Variants in CNIH1 observed in about 807,000 individuals in gnomAD.
The protein encoded by CNIH1 is protein cornichon homolog 1.
A neutral mutation model predicts 20.2 loss-of-function variants in CNIH1; 12 were observed. The observed-to-expected ratio is 0.59, with a 90% CI of 0.38 to 0.96. The LOEUF (loss-of-function observed/expected upper bound fraction) is 0.96. Among genes scored for constraint, CNIH1 ranks in the 40% least tolerant of loss-of-function variants. CNIH1 has a pLI of 0.00. For missense variants in CNIH1, 152 were observed against 178.8 expected (o/e 0.85, Z 0.85); for synonymous variants, 69 against 63.3 (o/e 1.09, Z -0.43).
chr14:54,427,992 T>A (rs773600831), intron 4 of CNIH1, 151 bp from the exon 5 acceptor site: 3 of 793,510 alleles, frequency 3.8e-6, no homozygotes, highest in Non-Finnish European at 6.1e-6. Context: ...TTTGCATTTA[T>A]GGACTTTTGC....
At chr14:54,433,058 T>C (rs1372818346) in intron 2 of CNIH1, among the ~76,000 whole-genome samples, 2 of 152,242 alleles carry the variant, frequency 1.3e-5, no homozygotes, top group Non-Finnish European at 1.5e-5. Context: ...ATGCTTTTTA[T>C]AAAATGACCA....
At chr14:54,435,570 C>T (rs79144186) in intron 2 of CNIH1, among the ~76,000 whole-genome samples, 2,997 of 152,186 alleles carry the variant, frequency 0.02, 110 homozygotes, top group African/African-American at 0.069. Context: ...AAAATTATGG[C>T]ACCCTAAGTC....
intron 2 of CNIH1, among the ~76,000 whole-genome samples, chr14:54,432,671 C>A (rs551812993): frequency 6.6e-6 from 1 of 152,280 alleles, no homozygotes; most frequent in East Asian, 1.9e-4. Context: ...TGTTTTTAAG[C>A]CTTTAACAAA....
chr14:54,432,214 G>C lies in CNIH1; in HGVS notation c.157C>G (p.Leu53Val). 1 of 1,528,942 alleles carries C rather than the reference G, an allele frequency of 6.5e-7. No individual in the cohort carries two copies. The highest frequency in any genetic ancestry group is 8.8e-7 in the Non-Finnish European group (1 of 1,134,740). 94.7% of individuals were successfully genotyped at this position (1,528,942 alleles called of 1,614,324 possible). ...DQCNTLNPLV[L>V]PEYLIHAFFC... ...AAAGCGTGGATGAGGTACTCTGGGA[G>C]TACAAGCTGGAAGGAAAACACAAGC... Residue 53 changes from leucine to valine, a missense_variant, in exon 3 of 5, where the codon CTC becomes GTC. Transcript: ENST00000216416.
intron 1 of CNIH1, among the ~76,000 whole-genome samples, chr14:54,437,333 T>C (rs2031074081): frequency 2.0e-5 from 3 of 152,240 alleles, no homozygotes; most frequent in South Asian, 2.1e-4. Context: ...AGTATCTTTA[T>C]ATGTGAAAGT....
chr14:54,435,258 A>G (rs1157411354), intron 2 of CNIH1, among the ~76,000 whole-genome samples: 1 of 152,190 alleles, frequency 6.6e-6, no homozygotes, highest in Non-Finnish European at 1.5e-5. Context: ...ATACAAAAAA[A>G]CAAACTGGGT....
At chr14:54,437,211 CAAAG>C (rs905972016) in intron 1 of CNIH1, among the ~76,000 whole-genome samples, 4 of 152,078 alleles carry the variant, frequency 2.6e-5, no homozygotes, top group African/African-American at 4.8e-5. Context: ...TTTCAGGTGA[CAAAG>C]AAAGAAAACA....
intron 2 of CNIH1, among the ~76,000 whole-genome samples, chr14:54,433,508 A>G (rs2030989686): frequency 2.0e-5 from 3 of 152,214 alleles, no homozygotes; most frequent in South Asian, 2.1e-4. Context: ...AAACTTCTAA[A>G]TAACATTTAA....
At chr14:54,435,965 C>T (rs2031046644) in intron 2 of CNIH1, 2 of 623,190 alleles carry the variant, frequency 3.2e-6, no homozygotes, top group South Asian at 1.9e-5. Flanking sequence ...AATCATAAAC[C>T]TCAACAGGCA....
intron 2 of CNIH1, chr14:54,435,965 C>A (rs2031046644): frequency 1.6e-6 from 1 of 623,188 alleles, no homozygotes; most frequent in Non-Finnish European, 2.9e-6. Context: ...AATCATAAAC[C>A]TCAACAGGCA....
rs1181717611 is a variant in CNIH1, at chr14:54,426,366, C to T, written c.*1448G>A. ...AGTAGAGAATAAAACAGCATCTAAT[C>T]CAACAAGTTCATAGAGTAAGATTTC... On this transcript the variant is annotated 3_prime_UTR_variant, in exon 5 of 5. Transcript: ENST00000216416. 6.6e-6 allele frequency: 1 copy of T among 152,136 alleles called. No homozygotes were observed. The highest frequency in any genetic ancestry group is 1.5e-5 in the Non-Finnish European group (1 of 68,004). 9.4% of individuals were successfully genotyped at this position (152,136 alleles called of 1,614,324 possible). A position where few individuals can be genotyped will look rare whatever the true frequency, so the allele number is the denominator to read the frequency against.
intron 2 of CNIH1, 60 bp downstream of exon 2, chr14:54,436,309 T>C: frequency 1.0e-6 from 1 of 1,004,792 alleles, no homozygotes; most frequent in African/African-American, 1.6e-5. Flanking sequence ...TTCAAATTAC[T>C]TCAAGTTAAA....
rs1034046423 is a variant in CNIH1 at position 54,427,336 on chromosome 14, G to T, written c.*478C>A. On this transcript the variant is annotated 3_prime_UTR_variant, in exon 5 of 5. Coordinates refer to ENST00000216416, the MANE Select transcript of CNIH1 (RefSeq NM_005776.3). ...TCCATATATAATCATCGACATGACA[G>T]ATGAGGAAACCCATGAAGTTTCCCA... 1.9e-5 allele frequency: 3 copies of T among 153,860 alleles called. No homozygotes were observed. Among genetic ancestry groups the T allele is most frequent in the Non-Finnish European group, 4.3e-5 (3 of 69,020 alleles). The allele number at this position is 153,860 out of a possible 1,614,324, so 9.5% of individuals were successfully genotyped here.
intron 4 of CNIH1, 27 bp from the exon 5 acceptor site, chr14:54,427,868 T>A (rs1360577797): frequency 6.2e-7 from 1 of 1,608,778 alleles, no homozygotes; most frequent in Non-Finnish European, 8.5e-7. Flanking sequence ...AGATGTTAAT[T>A]TGAACATTAC....
rs1410108811 is a variant in CNIH1 at position 54,424,575 on chromosome 14, TAGA to T, written c.*3236_*3238del. The T allele has an allele frequency of 3.3e-5, 5 of 152,336 alleles. No individual in the cohort carries two copies. The highest frequency in any genetic ancestry group is 2.1e-4 in the South Asian group (1 of 4,832). The allele number at this position is 152,336 out of a possible 1,614,324, so 9.4% of individuals were successfully genotyped here. On this transcript the variant is annotated 3_prime_UTR_variant, in exon 5 of 5. Coordinates refer to ENST00000216416, the MANE Select transcript of CNIH1 (RefSeq NM_005776.3). ...ATTCCACGAACTCTATTCATAAACA[TAGA>T]AGGAGAAGAGAGGTGTTGTACAAAG...
chr14:54,431,723 G>A (rs1019393325), intron 3 of CNIH1, among the ~76,000 whole-genome samples: 2 of 152,138 alleles, frequency 1.3e-5, no homozygotes, highest in African/African-American at 4.8e-5. Context: ...GTTGATAGAG[G>A]TCAGTGGTCT....
chr14:54,437,060 G>A (rs971090150), intron 1 of CNIH1, among the ~76,000 whole-genome samples: 3 of 152,212 alleles, frequency 2.0e-5, no homozygotes, highest in African/African-American at 7.2e-5. Context: ...ACTCTTCAAT[G>A]TGTTCCCATT....
chr14:54,440,073 CATA>C (rs924111922), intron 1 of CNIH1, among the ~76,000 whole-genome samples: 22 of 152,184 alleles, frequency 1.4e-4, no homozygotes, highest in Admixed American at 1.0e-3. Flanking sequence ...TAATTGTAAA[CATA>C]ATCACACTGC....
intron 1 of CNIH1, among the ~76,000 whole-genome samples, 170 bp downstream of exon 1, chr14:54,441,077 C>A (rs2031162836): frequency 1.3e-5 from 2 of 151,566 alleles, no homozygotes; most frequent in Admixed American, 6.6e-5. Flanking sequence ...CGCGCCCCGG[C>A]TCCTCCAGTA....
Sources: allele counts gnomAD v4.1 joint callset (sites outside exome capture counted in the v4.1 genomes callset), GRCh38; gene constraint gnomAD v4.1.1; transcripts MANE v1.5; gene names NCBI Gene and HGNC (gene_info 2026-07-23, HGNC 2026-07-21).